The following BTD variants were observed in gnomAD, a reference collection of about 807,000 sequenced individuals.
BTD encodes biotinidase, also known as biocytinase.
In BTD, 13 loss-of-function variants were observed where a neutral mutation model predicts 17.7. The observed-to-expected ratio is 0.74, with a 90% CI of 0.48 to 1.17. The LOEUF is 1.17. Ranked by LOEUF, BTD falls within the 50% of genes most tolerant of loss-of-function variation. The pLI is 0.00. For missense variants in BTD, 674 were observed against 650.4 expected (o/e 1.04, Z -0.39); for synonymous variants, 240 against 245.2 (o/e 0.98, Z 0.20).
In BTD at chr3:15,615,160, A is replaced by G. The variant is rs141231185; in HGVS notation, c.-17+13266A>G. ...AGAGAGTATGTGGATAGGCTTTTCC[A>G]GGCATCTTAGGACTGATAACATCTC... On this transcript the variant is annotated intron_variant, in intron 1 of 3. Transcript: ENST00000643237. 3.5e-3 allele frequency among the ~76,000 whole-genome samples: 535 copies of G among 152,322 alleles called. 4 individuals carry two copies. Among genetic ancestry groups the G allele is most frequent in the African/African-American group, 0.012 (512 of 41,574 alleles).
At chr3:15,613,664 T>C (rs1485186731) in intron 1 of BTD, among the ~76,000 whole-genome samples, 1 of 152,128 alleles carries the variant, frequency 6.6e-6, no homozygotes, top group African/African-American at 2.4e-5. Context: ...TTTGTCACAG[T>C]TTTTATTTGT....
intron 1 of BTD, among the ~76,000 whole-genome samples, chr3:15,615,222 C>T (rs1396803152): frequency 6.6e-6 from 1 of 152,156 alleles, no homozygotes; most frequent in East Asian, 1.9e-4. Flanking sequence ...CATAGAGTTA[C>T]CTGGGTCATG....
intron 1 of BTD, among the ~76,000 whole-genome samples, chr3:15,604,222 T>C (rs770987327): frequency 6.6e-6 from 1 of 152,250 alleles, no homozygotes; most frequent in African/African-American, 2.4e-5. Flanking sequence ...GGCATTTCCA[T>C]ACATCCTCTG....
chr3:15,624,788 A>T (rs1373587169), intron 1 of BTD, among the ~76,000 whole-genome samples: 1 of 152,134 alleles, frequency 6.6e-6, no homozygotes, highest in East Asian at 1.9e-4. Context: ...GCTGGAGTGC[A>T]GTGGTGTGAT....
chr3:15,711,711 G>C (rs547144220), exon 4 of BTD, among the ~76,000 whole-genome samples: 135 of 151,628 alleles, frequency 8.9e-4, no homozygotes, highest in Non-Finnish European at 1.7e-3. Flanking sequence ...TTTTGAGACA[G>C]AGTCTCGCTC....
chr3:15,674,113 A>T (rs1366159433), intron 3 of BTD, among the ~76,000 whole-genome samples: 1 of 139,740 alleles, frequency 7.2e-6, no homozygotes, highest in Non-Finnish European at 1.5e-5. Context: ...TCAAGGTTAC[A>T]ATCAGCTATG....
chr3:15,692,791 T>C (rs2068981251), intron 3 of BTD, among the ~76,000 whole-genome samples: 2 of 152,254 alleles, frequency 1.3e-5, no homozygotes, highest in Admixed American at 1.3e-4. Context: ...ATTTTTAGTT[T>C]AAAAACACTA....
intron 3 of BTD, among the ~76,000 whole-genome samples, chr3:15,671,187 T>C (rs1402219509): frequency 6.6e-6 from 1 of 152,196 alleles, no homozygotes; most frequent in Non-Finnish European, 1.5e-5. Context: ...AAAACAAATA[T>C]TTCCTTTGTA....
intron 1 of BTD, among the ~76,000 whole-genome samples, chr3:15,634,201 C>T (rs1439375867): frequency 1.3e-5 from 2 of 152,146 alleles, no homozygotes; most frequent in East Asian, 1.9e-4. Flanking sequence ...AAATTTGTAG[C>T]CTGGGGAGTT....
chr3:15,714,112 A>T (rs1472038404), downstream of BTD, among the ~76,000 whole-genome samples: 2 of 152,208 alleles, frequency 1.3e-5, no homozygotes, highest in Non-Finnish European at 2.9e-5. Context: ...ATTTAAAGTA[A>T]TACACCTAAA....
intron 3 of BTD, chr3:15,707,815 T>A (rs1307617065): frequency 4.5e-6 from 6 of 1,334,880 alleles, no homozygotes. Context: ...GCAAAGATAA[T>A]CAACAAAAAA....
In BTD at chr3:15,676,671, AC is replaced by A. The variant is rs957961162; in HGVS notation, c.400-33388del. ...TGTTAGTTTCAAGTAACATATTATTACAGTTGATTTCCACAGAATACACAAA... is the reference window on the plus strand; with the variant it reads ...TGTTAGTTTCAAGTAACATATTATTAAGTTGATTTCCACAGAATACACAAA... On this transcript the variant is annotated intron_variant, in intron 3 of 3. Coordinates refer to the BTD transcript ENST00000672141. The A allele has an allele frequency of 1.8e-4, 41 of 231,918 alleles. 6 individuals carry two copies. The highest frequency in any genetic ancestry group is 7.9e-4 in the Admixed American group (15 of 18,974). 14.4% of individuals were successfully genotyped at this position (231,918 alleles called of 1,614,324 possible).
intron 3 of BTD, among the ~76,000 whole-genome samples, chr3:15,706,253 A>G (rs1449552088): frequency 6.7e-6 from 1 of 149,414 alleles, no homozygotes; most frequent in East Asian, 2.0e-4. Context: ...TCCCCACCCC[A>G]TGACAGGCCC....
intron 3 of BTD, among the ~76,000 whole-genome samples, chr3:15,675,378 T>C (rs1384825866): frequency 6.6e-6 from 1 of 152,134 alleles, no homozygotes; most frequent in African/African-American, 2.4e-5. Context: ...AATATGGCAG[T>C]AGCTGGCAGG....
chr3:15,693,321 G>A (rs2069052375), intron 3 of BTD, among the ~76,000 whole-genome samples: 1 of 151,588 alleles, frequency 6.6e-6, no homozygotes, highest in South Asian at 2.1e-4. Context: ...AATAGTAATG[G>A]GGGGGCAGAG....
intron 1 of BTD, among the ~76,000 whole-genome samples, chr3:15,604,577 A>G (rs1451244377): frequency 6.6e-6 from 1 of 152,114 alleles, no homozygotes; most frequent in Non-Finnish European, 1.5e-5. Context: ...ACCTATGCAA[A>G]TTTCTGCTGC....
At chr3:15,697,157 A>T (rs1030354817) in intron 3 of BTD, 5 of 152,198 alleles carry the variant, frequency 3.3e-5, no homozygotes, top group African/African-American at 1.2e-4. Flanking sequence ...CTGGAGTTGG[A>T]GATCATTATT....
downstream of BTD, among the ~76,000 whole-genome samples, chr3:15,657,837 AGAG>A (rs2065886065): frequency 6.6e-6 from 1 of 151,508 alleles, no homozygotes; most frequent in Non-Finnish European, 1.5e-5. Flanking sequence ...AAAAAAAAAA[AGAG>A]TACCAGAAAC....
chr3:15,641,185 G>A lies in BTD; in HGVS notation c.250-723G>A, dbSNP rs150141716. Among the ~76,000 whole-genome samples, 7 of 152,292 alleles carry A rather than the reference G, an allele frequency of 4.6e-5. No homozygotes were observed. The East Asian group carries it at 1.3e-3, about 29-fold the overall frequency. On this transcript the variant is annotated intron_variant, in intron 2 of 3. Coordinates refer to ENST00000643237, the MANE Select transcript of BTD (RefSeq NM_001370658.1). ...GGGAACACAGGATGTTGCCAGGTGT[G>A]GGAAAAGGCCTTTAGGGTGGTCAGA... is the stretch of plus-strand genomic sequence containing the variant.
Sources: gnomAD v4.1 joint callset for allele counts (sites outside exome capture counted in the v4.1 genomes callset) on GRCh38, gnomAD v4.1.1 for gene constraint, MANE v1.5 for transcripts, NCBI Gene and HGNC (gene_info 2026-07-23, HGNC 2026-07-21) for gene names.